MTFR1: variants seen among roughly 807,000 people sequenced by gnomAD.
MTFR1 encodes the protein chondrocyte protein with a poly-proline region.
MTFR1 carries 28 observed loss-of-function variants against 38.8 expected under a neutral mutation model. The ratio of observed to expected loss-of-function variants is 0.72; its 90% CI spans 0.53 to 0.99. The LOEUF is 0.99. Ranked by LOEUF, MTFR1 falls within the 50% of genes least tolerant of loss-of-function variation. MTFR1 has a pLI of 0.00. For missense variants in MTFR1, 358 were observed against 395.5 expected (o/e 0.91, Z 0.81); for synonymous variants, 145 against 137.0 (o/e 1.06, Z -0.41).
chr8:65,747,782 G>C, intron 3 of MTFR1: 1 of 1,607,218 alleles, frequency 6.2e-7, no homozygotes, highest in Non-Finnish European at 8.5e-7. Flanking sequence ...TGCAGAGACA[G>C]ACACTTCAAT....
chr8:65,653,024 G>C (rs1178139061), intron 1 of MTFR1, among the ~76,000 whole-genome samples: 1 of 152,182 alleles, frequency 6.6e-6, no homozygotes, highest in African/African-American at 2.4e-5. Flanking sequence ...CTTTCCTAAA[G>C]AGATGATTTT....
At chr8:65,700,368 A>T (rs1328616485) in intron 4 of MTFR1, among the ~76,000 whole-genome samples, 1 of 141,558 alleles carries the variant, frequency 7.1e-6, no homozygotes, top group South Asian at 2.1e-4. Flanking sequence ...AAAAAAAAAG[A>T]AAAAAGAAAA....
chr8:65,777,425 TA>T, the MTFR1 span, among the ~76,000 whole-genome samples: 1 of 152,198 alleles, frequency 6.6e-6, no homozygotes, highest in African/African-American at 2.4e-5. Flanking sequence ...TTTTCACTGT[TA>T]AACCAATCTT....
intron 3 of MTFR1, among the ~76,000 whole-genome samples, chr8:65,748,250 G>A (rs935701433): frequency 6.6e-6 from 1 of 152,018 alleles, no homozygotes; most frequent in Non-Finnish European, 1.5e-5. Context: ...AATTACACAA[G>A]TAAAACATTT....
chr8:65,677,397 T>C (rs1804744451), intron 2 of MTFR1, among the ~76,000 whole-genome samples: 1 of 149,108 alleles, frequency 6.7e-6, no homozygotes, highest in Non-Finnish European at 1.5e-5. Context: ...TTTTTTTTTT[T>C]TTTTTGAGAC....
chr8:65,768,482 A>C (rs897249014), intron 3 of MTFR1, among the ~76,000 whole-genome samples: 8 of 152,208 alleles, frequency 5.3e-5, no homozygotes, highest in African/African-American at 1.9e-4. Context: ...GTCTGCTGCC[A>C]TGTGAGATGT....
At chr8:65,739,160 A>G (rs1028831856) in intron 3 of MTFR1, among the ~76,000 whole-genome samples, 2 of 152,222 alleles carry the variant, frequency 1.3e-5, no homozygotes, top group East Asian at 3.8e-4. Context: ...ATGTAAATCT[A>G]TTATGGTGCC....
intron 4 of MTFR1, among the ~76,000 whole-genome samples, chr8:65,698,532 A>AT (rs1192593262): frequency 4.7e-4 from 72 of 152,040 alleles, no homozygotes; most frequent in African/African-American, 1.2e-3. Context: ...CAAACTCCAA[A>AT]TTTTTTAAAA....
chr8:65,713,061 T>C (rs1384973796), downstream of MTFR1, among the ~76,000 whole-genome samples: 1 of 152,260 alleles, frequency 6.6e-6, no homozygotes, highest in Non-Finnish European at 1.5e-5. Context: ...CAAAGACTTA[T>C]TGATGGGACC....
intron 3 of MTFR1, chr8:65,725,034 C>T: frequency 1.9e-6 from 1 of 520,114 alleles, no homozygotes; most frequent in East Asian, 3.4e-5. Flanking sequence ...AAATATCCAA[C>T]TATCATTCAA....
intron 3 of MTFR1, among the ~76,000 whole-genome samples, chr8:65,719,977 C>G (rs1161685797): frequency 1.3e-5 from 2 of 152,142 alleles, no homozygotes; most frequent in Non-Finnish European, 2.9e-5. Flanking sequence ...CATGCCTGGT[C>G]ATGACTACAA....
At chr8:65,648,082 G>A (rs1809012083) in intron 1 of MTFR1, among the ~76,000 whole-genome samples, 1 of 152,042 alleles carries the variant, frequency 6.6e-6, no homozygotes, top group African/African-American at 2.4e-5. Context: ...TGCGATCTTG[G>A]CTCACTGCAA....
chr8:65,757,102 A>C (rs993651839), intron 3 of MTFR1, among the ~76,000 whole-genome samples: 1 of 152,102 alleles, frequency 6.6e-6, no homozygotes, highest in Non-Finnish European at 1.5e-5. Context: ...TCATAATGTC[A>C]GCATTCCTTC....
intron 2 of MTFR1, among the ~76,000 whole-genome samples, chr8:65,672,003 G>A (rs1016882768): frequency 3.3e-5 from 5 of 152,162 alleles, no homozygotes; most frequent in Non-Finnish European, 5.9e-5. Context: ...AGGCCAAAGT[G>A]CAGAATTCTG....
chr8:65,755,333 T>C (rs1808176454), intron 3 of MTFR1, among the ~76,000 whole-genome samples: 1 of 152,200 alleles, frequency 6.6e-6, no homozygotes, highest in Non-Finnish European at 1.5e-5. Flanking sequence ...TTATTGCCTT[T>C]TTAAAATTTA....
chr8:65,675,250 G>A (rs907581371), intron 2 of MTFR1, among the ~76,000 whole-genome samples: 1 of 151,742 alleles, frequency 6.6e-6, no homozygotes, highest in African/African-American at 2.4e-5. Context: ...CCGAGATCAC[G>A]CCACTGCACT....
At chr8:65,733,871 A>C (rs1807012295) in intron 3 of MTFR1, among the ~76,000 whole-genome samples, 1 of 152,150 alleles carries the variant, frequency 6.6e-6, no homozygotes, top group South Asian at 2.1e-4. Flanking sequence ...TTCCCGCCTA[A>C]CACCTTAGCC....
At chr8:65,691,168 C>A (rs567461026) in intron 3 of MTFR1, among the ~76,000 whole-genome samples, 2 of 152,272 alleles carry the variant, frequency 1.3e-5, no homozygotes, top group East Asian at 3.9e-4. Flanking sequence ...GAAGTTCATG[C>A]TTTTTTCCTC....
intron 3 of MTFR1, among the ~76,000 whole-genome samples, chr8:65,729,364 C>CTTTT (rs10540107): frequency 1.2e-4 from 10 of 80,074 alleles, no homozygotes; most frequent in Non-Finnish European, 1.6e-4. Flanking sequence ...TTGGTGGTAG[C>CTTTT]TTTTTTTTTT....
Sources: gnomAD v4.1 joint callset for allele counts (sites outside exome capture counted in the v4.1 genomes callset) on GRCh38, gnomAD v4.1.1 for gene constraint, MANE v1.5 for transcripts, NCBI Gene and HGNC (gene_info 2026-07-23, HGNC 2026-07-21) for gene names.